CDKL5: variants seen among roughly 807,000 people sequenced by gnomAD.
CDKL5 encodes the protein cyclin-dependent kinase-like 5.
Under a neutral mutation model 61.7 loss-of-function variants are expected in CDKL5, and 8 were observed. The observed-to-expected ratio is 0.13, with a 90% CI of 0.08 to 0.23. CDKL5 has a LOEUF of 0.23. Among genes scored for constraint, CDKL5 ranks in the 10% least tolerant of loss-of-function variants. The probability of loss-of-function intolerance (pLI) is 1.00; values close to 1 mark genes in which losing one functional copy is unlikely to be tolerated. For missense variants in CDKL5, 440 were observed against 734.5 expected (o/e 0.60, Z 4.63); for synonymous variants, 275 against 272.3 (o/e 1.01, Z -0.10).
rs1406476583 is a variant in CDKL5 at position 18,629,080 on chromosome X, G to A, written c.*323G>A. The A allele has an allele frequency of 1.2e-6, 1 of 826,461 alleles. No individual in the cohort carries two copies. Among genetic ancestry groups the A allele is most frequent in the Non-Finnish European group, 1.5e-6 (1 of 686,603 alleles). 68.1% of individuals were successfully genotyped at this position (826,461 alleles called of 1,213,427 possible). A position where few individuals can be genotyped will look rare whatever the true frequency, so the allele number is the denominator to read the frequency against. On this transcript the variant is annotated 3_prime_UTR_variant, in exon 18 of 18. Transcript: ENST00000623535. The stretch of plus-strand genomic sequence containing the variant: ...ACATTCCAGCTTTAGTGCAATCTCT[G>A]TTGAACTTGGGAATGCCAGGATGTG...
chrX:18,625,097 T>C lies in CDKL5; in HGVS notation c.2377-31T>C, dbSNP rs267608658. On this transcript the variant is annotated intron_variant, in intron 16 of 17. Transcript: ENST00000623535. ...ATCTTAATTAGGCTTCTCAGTGTGC[T>C]TATTGAATGCTTGTCCATATTTTGC... 31 of 1,193,965 alleles carry C rather than the reference T, an allele frequency of 2.6e-5. No individual in the cohort carries two copies. The highest frequency in any genetic ancestry group is 4.4e-5 in the Admixed American group (2 of 45,576).
chrX:18,602,697 G>A (rs779188995), intron 11 of CDKL5, among the ~76,000 whole-genome samples: 1 of 110,702 alleles, frequency 9.0e-6, no homozygotes, highest in Non-Finnish European at 1.9e-5. Flanking sequence ...TAGGAAATGG[G>A]TCCTTATGTT....
intron 1 of CDKL5, among the ~76,000 whole-genome samples, chrX:18,469,578 G>A (rs1602209229): frequency 9.4e-6 from 1 of 106,736 alleles, no homozygotes; most frequent in African/African-American, 3.4e-5. Context: ...AACCCAGGAG[G>A]CGGAGGTTGC....
rs778243455 is a variant in CDKL5 at position 18,450,874 on chromosome X, C to CTT, written c.-163+25193_-163+25194dup. Reference sequence around the variant, plus strand: ...ACAGGTGTGAGCCACTGTGCCCGGCCTTTTTTTTTTTTTTTAACATGCTGT... The same window carrying CTT: ...ACAGGTGTGAGCCACTGTGCCCGGCCTTTTTTTTTTTTTTTTTAACATGCTGT... On this transcript the variant is annotated intron_variant, in intron 1 of 17. Coordinates refer to ENST00000623535, the MANE Select transcript of CDKL5 (RefSeq NM_001323289.2). 4.3e-3 allele frequency among the ~76,000 whole-genome samples: 424 copies of CTT among 99,304 alleles called. 4 individuals are homozygous for CTT. The highest frequency in any genetic ancestry group is 0.014 in the African/African-American group (381 of 27,403). The allele number at this position is 99,304 out of a possible 115,157, so 86.2% of individuals were successfully genotyped here.
intron 11 of CDKL5, among the ~76,000 whole-genome samples, chrX:18,601,364 TTAAC>T (rs1223429972): frequency 2.7e-5 from 3 of 112,539 alleles, no homozygotes; most frequent in Non-Finnish European, 5.6e-5. Context: ...AAAACTTACT[TTAAC>T]TAAATCGTTA....
chrX:18,591,819 G>A (rs747050175), intron 9 of CDKL5, among the ~76,000 whole-genome samples: 6 of 110,998 alleles, frequency 5.4e-5, no homozygotes, highest in African/African-American at 1.6e-4. Context: ...TCCTCCCTCC[G>A]TGAAGACCTT....
intron 1 of CDKL5, among the ~76,000 whole-genome samples, chrX:18,445,743 C>T (rs1189195486): frequency 9.0e-6 from 1 of 111,509 alleles, no homozygotes; most frequent in Non-Finnish European, 1.9e-5. Flanking sequence ...CCTGCTTCCC[C>T]TTCTGCCATG....
intron 1 of CDKL5, among the ~76,000 whole-genome samples, chrX:18,504,376 G>A (rs1922497156): frequency 8.9e-6 from 1 of 112,000 alleles, no homozygotes. Flanking sequence ...AAAGTGCTGG[G>A]ATTATATGCG....
chrX:18,628,861 A>G lies in CDKL5; in HGVS notation c.*104A>G, dbSNP rs1478309633. On this transcript the variant is annotated 3_prime_UTR_variant, in exon 18 of 18. Coordinates refer to ENST00000623535, the MANE Select transcript of CDKL5 (RefSeq NM_001323289.2). Reference sequence around the variant, plus strand: ...GGGCCGGGCCAAGTGGTGAGCCAATATTTTCAGCTTTATGAAGGTGTGTGC... The same window carrying G: ...GGGCCGGGCCAAGTGGTGAGCCAATGTTTTCAGCTTTATGAAGGTGTGTGC... The G allele has an allele frequency of 1.8e-6, 2 of 1,082,201 alleles. No individual in the cohort carries two copies. The highest frequency in any genetic ancestry group is 6.7e-5 in the East Asian group (2 of 30,050). 89.2% of individuals were successfully genotyped at this position (1,082,201 alleles called of 1,213,427 possible).
intron 11 of CDKL5, 144 bp from the exon 12 acceptor site, chrX:18,603,758 C>T: frequency 1.5e-6 from 1 of 685,674 alleles, no homozygotes; most frequent in Non-Finnish European, 2.3e-6. Flanking sequence ...TGATAGGTTA[C>T]TTGTTATTCG....
At chrX:18,598,709 G>A in intron 11 of CDKL5, 96 bp downstream of exon 11, 1 of 834,565 alleles carries the variant, frequency 1.2e-6, no homozygotes, top group Non-Finnish European at 1.8e-6. Context: ...GAGAAAAGAA[G>A]GAAAGCCCTC....
At chrX:18,620,531 A>G (rs1433122923) in intron 16 of CDKL5, among the ~76,000 whole-genome samples, 1 of 110,466 alleles carries the variant, frequency 9.1e-6, no homozygotes, top group African/African-American at 3.3e-5. Context: ...ATCTCCTGGG[A>G]GCCCTTTGCC....
chrX:18,602,137 C>T (rs1430578129), intron 11 of CDKL5, among the ~76,000 whole-genome samples: 2 of 111,658 alleles, frequency 1.8e-5, no homozygotes, highest in African/African-American at 6.5e-5. Context: ...TAAGCCCAAC[C>T]AGAAGCTAGC....
intron 1 of CDKL5, among the ~76,000 whole-genome samples, chrX:18,470,557 T>C (rs1921056892): frequency 9.0e-6 from 1 of 110,542 alleles, no homozygotes; most frequent in African/African-American, 3.3e-5. Flanking sequence ...TACTGAGAAT[T>C]TGGTCAGAGA....
chrX:18,545,034 C>G, intron 3 of CDKL5, among the ~76,000 whole-genome samples: 1 of 110,950 alleles, frequency 9.0e-6, no homozygotes, highest in Non-Finnish European at 1.9e-5. Flanking sequence ...TAGAGACCAG[C>G]CTGGTCAACA....
rs1927752550 is a variant in CDKL5 at position 18,645,936 on chromosome X, A to C, written c.2714-71A>C. On this transcript the variant is annotated intron_variant, in intron 19 of 21. Transcript: ENST00000379989. ...TGGGATGTGGGCAGAAGTGGCCAAT[A>C]GAATATGTTTGTGTTCTTAAAGGCA... is the stretch of plus-strand genomic sequence containing the variant. The C allele has an allele frequency of 2.5e-6, 3 of 1,205,966 alleles. No homozygotes were observed. In the African/African-American group the frequency reaches 5.2e-5, roughly 21 times the overall value.
chrX:18,581,121 T>C (rs761512119), intron 6 of CDKL5, among the ~76,000 whole-genome samples: 4 of 111,856 alleles, frequency 3.6e-5, no homozygotes, highest in Non-Finnish European at 7.5e-5. Context: ...TGCAAATTAA[T>C]GGTAGAAACC....
rs937670243 is a variant in CDKL5 at position 18,550,146 on chromosome X, C to T, written c.100-14331C>T. Reference sequence around the variant, plus strand: ...TGAGATTAAGGAGTCTAGATGTCTTCGGCACCAATTAGAGACAGATCAACT... The same window carrying T: ...TGAGATTAAGGAGTCTAGATGTCTTTGGCACCAATTAGAGACAGATCAACT... On this transcript the variant is annotated intron_variant, in intron 3 of 17. Coordinates refer to ENST00000623535, the MANE Select transcript of CDKL5 (RefSeq NM_001323289.2). Among the ~76,000 whole-genome samples, 3 of 111,679 alleles carry T rather than the reference C, an allele frequency of 2.7e-5. No individual in the cohort carries two copies. The East Asian group carries it at 8.5e-4, about 32-fold the overall frequency.
At chrX:18,503,803 G>A (rs1362789925) in intron 1 of CDKL5, among the ~76,000 whole-genome samples, 1 of 112,020 alleles carries the variant, frequency 8.9e-6, no homozygotes, top group Non-Finnish European at 1.9e-5. Context: ...GTGCAGTGGT[G>A]CGATCACGGC....
Sources: gnomAD v4.1 joint callset for allele counts (sites outside exome capture counted in the v4.1 genomes callset) on GRCh38, gnomAD v4.1.1 for gene constraint, MANE v1.5 for transcripts, NCBI Gene and HGNC (gene_info 2026-07-23, HGNC 2026-07-21) for gene names.